The following ADGRL4 variants were observed in gnomAD, a reference collection of about 807,000 sequenced individuals.
ADGRL4 encodes the protein EGF, latrophilin and seven transmembrane domain containing 1.
A neutral mutation model predicts 74.8 loss-of-function variants in ADGRL4; 90 were observed. The ratio of observed to expected loss-of-function variants is 1.20; its 90% CI spans 1.02 to 1.43. The LOEUF (loss-of-function observed/expected upper bound fraction) is 1.43, where lower values mean the gene tolerates loss of function less well. Among genes scored for constraint, ADGRL4 ranks in the 40% most tolerant of loss-of-function variants. The pLI is 0.00. For missense variants in ADGRL4, 881 were observed against 814.3 expected (o/e 1.08, Z -1.00); for synonymous variants, 311 against 279.2 (o/e 1.11, Z -1.14).
At chr1:78,945,174 A>G in intron 3 of ADGRL4, among the ~76,000 whole-genome samples, 1 of 129,288 alleles carries the variant, frequency 7.7e-6, no homozygotes, top group East Asian at 2.5e-4. Flanking sequence ...CAAAAAAAAA[A>G]AAAATATATA....
At chr1:78,968,511 T>TGG (rs1355381990) in intron 2 of ADGRL4, among the ~76,000 whole-genome samples, 3 of 27,780 alleles carry the variant, frequency 1.1e-4, no homozygotes, top group Non-Finnish European at 1.5e-4. Context: ...GGTGGGGGGG[T>TGG]GGGGGGGAGA....
rs772287587 is a variant in ADGRL4, at chr1:78,946,279, C to G, written c.320G>C (p.Cys107Ser). The change falls in exon 3 of 15, where the codon TGT becomes TCT. Residue 107 changes from cysteine (C) to serine (S), a missense_variant. Physicochemically the swap from Cys to Ser is moderately radical, Grantham distance 112 (BLOSUM62 -1). Coordinates refer to ENST00000370742, the MANE Select transcript of ADGRL4 (RefSeq NM_022159.4). ...ACTTAGATAACCGAACTTACCTATA[C>G]AGACGGTTCCATCATTAGTGATAAA... The part of the protein sequence containing the change: ...DRFITNDGTV[C>S]IENVNANCHL... The G allele has an allele frequency of 1.2e-6, 2 of 1,609,842 alleles. No individual in the cohort carries two copies. The highest frequency in any genetic ancestry group is 1.7e-5 in the Admixed American group (1 of 59,374).
At chr1:78,891,501 C>A in intron 14 of ADGRL4, 23 bp downstream of exon 14, 1 of 1,604,576 alleles carries the variant, frequency 6.2e-7, no homozygotes, top group Non-Finnish European at 8.5e-7. Context: ...TACTAGGAAC[C>A]ACCAAAATAA....
chr1:78,962,660 A>T (rs1280146878), intron 2 of ADGRL4, among the ~76,000 whole-genome samples: 2 of 152,160 alleles, frequency 1.3e-5, no homozygotes, highest in African/African-American at 2.4e-5. Context: ...GTGAAATATC[A>T]TTCATGTATT....
chr1:78,922,306 T>C (rs1398268621), intron 8 of ADGRL4, among the ~76,000 whole-genome samples: 1 of 151,400 alleles, frequency 6.6e-6, no homozygotes, highest in African/African-American at 2.4e-5. Flanking sequence ...TGAAGGGGGG[T>C]GTCCAACAGA....
intron 2 of ADGRL4, among the ~76,000 whole-genome samples, chr1:78,983,230 C>CACAG (rs1017607885): frequency 4.6e-5 from 7 of 151,904 alleles, no homozygotes; most frequent in Middle Eastern, 3.4e-3. Context: ...AAGCTACACA[C>CACAG]ACAGACACAC....
At chr1:78,909,978 A>G (rs1648725145) in intron 12 of ADGRL4, among the ~76,000 whole-genome samples, 1 of 151,906 alleles carries the variant, frequency 6.6e-6, no homozygotes, top group African/African-American at 2.4e-5. Context: ...GTATATTCTA[A>G]CAAGGAAAAA....
chr1:78,999,834 A>ACC (rs1557526158), intron 2 of ADGRL4, among the ~76,000 whole-genome samples: 45 of 147,110 alleles, frequency 3.1e-4, no homozygotes, highest in African/African-American at 1.0e-3. Flanking sequence ...CTATCTATCT[A>ACC]TCTATCTACC....
At chr1:78,969,109 T>A (rs1174049480) in intron 2 of ADGRL4, among the ~76,000 whole-genome samples, 5 of 152,230 alleles carry the variant, frequency 3.3e-5, no homozygotes, top group Non-Finnish European at 7.3e-5. Context: ...CTTTAATAAT[T>A]GAGTAAGGTA....
intron 3 of ADGRL4, among the ~76,000 whole-genome samples, chr1:78,940,316 A>G (rs1052822392): frequency 6.6e-6 from 1 of 152,136 alleles, no homozygotes; most frequent in Non-Finnish European, 1.5e-5. Flanking sequence ...ATTTTACCAC[A>G]ACTTATTACT....
chr1:78,930,821 A>C (rs1277160473), intron 7 of ADGRL4, among the ~76,000 whole-genome samples: 1 of 151,440 alleles, frequency 6.6e-6, no homozygotes, highest in Admixed American at 6.6e-5. Context: ...GACATGGAAC[A>C]AATCTATTAA....
intron 3 of ADGRL4, among the ~76,000 whole-genome samples, chr1:78,942,180 A>T: frequency 8.0e-6 from 1 of 125,102 alleles, no homozygotes. Context: ...TCTCAAAAAA[A>T]AAAAAAAAAA....
intron 2 of ADGRL4, among the ~76,000 whole-genome samples, chr1:78,964,639 T>C (rs1226521722): frequency 1.3e-5 from 2 of 152,162 alleles, no homozygotes; most frequent in Admixed American, 1.3e-4. Context: ...GTTTCATCAA[T>C]CATAGTAAAA....
intron 6 of ADGRL4, among the ~76,000 whole-genome samples, chr1:78,937,169 G>A (rs1649371799): frequency 6.6e-6 from 1 of 152,172 alleles, no homozygotes. Flanking sequence ...ATCCGGCTGG[G>A]CATGGTGGCT....
chr1:78,961,778 AG>A (rs1570256565), intron 2 of ADGRL4, among the ~76,000 whole-genome samples: 1 of 152,134 alleles, frequency 6.6e-6, no homozygotes, highest in East Asian at 1.9e-4. Context: ...GCATGTGACT[AG>A]GTAAGCATAT....
intron 2 of ADGRL4, among the ~76,000 whole-genome samples, chr1:78,961,406 G>T (rs1035586271): frequency 9.2e-5 from 14 of 152,142 alleles, no homozygotes. Context: ...CTCCCAAAGT[G>T]CTGGGATTAC....
chr1:78,908,063 A>G (rs1374026714), intron 12 of ADGRL4, among the ~76,000 whole-genome samples: 1 of 151,976 alleles, frequency 6.6e-6, no homozygotes, highest in Non-Finnish European at 1.5e-5. Flanking sequence ...AAAATTTGTA[A>G]CTCATATTTT....
At chr1:78,909,726 T>C (rs1217895235) in intron 12 of ADGRL4, among the ~76,000 whole-genome samples, 2 of 151,890 alleles carry the variant, frequency 1.3e-5, no homozygotes, top group East Asian at 1.9e-4. Context: ...ATTGAAGTAA[T>C]TGTTTTGAAG....
intron 2 of ADGRL4, among the ~76,000 whole-genome samples, chr1:79,001,428 A>C (rs1306633951): frequency 6.6e-6 from 1 of 152,102 alleles, no homozygotes; most frequent in Non-Finnish European, 1.5e-5. Flanking sequence ...ACAAAAAAGA[A>C]AGAAAGAAAG....
Sources: allele counts gnomAD v4.1 joint callset (sites outside exome capture counted in the v4.1 genomes callset), GRCh38; gene constraint gnomAD v4.1.1; transcripts MANE v1.5; gene names NCBI Gene and HGNC (gene_info 2026-07-23, HGNC 2026-07-21).